PAPOLA: variants seen among roughly 807,000 people sequenced by gnomAD.
PAPOLA encodes the protein polynucleotide adenylyltransferase alpha.
A neutral mutation model predicts 100.6 loss-of-function variants in PAPOLA; 15 were observed. The ratio of observed to expected loss-of-function variants is 0.15; its 90% CI spans 0.10 to 0.23. PAPOLA has a LOEUF of 0.23. Among genes scored for constraint, PAPOLA ranks in the 10% least tolerant of loss-of-function variants. PAPOLA has a pLI of 1.00. For missense variants in PAPOLA, 533 were observed against 884.2 expected (o/e 0.60, Z 5.04); for synonymous variants, 293 against 300.0 (o/e 0.98, Z 0.24).
At chr14:96,520,548 T>G (rs1897868023) in intron 2 of PAPOLA, among the ~76,000 whole-genome samples, 1 of 152,024 alleles carries the variant, frequency 6.6e-6, no homozygotes, top group Non-Finnish European at 1.5e-5. Context: ...GCTAATTTTT[T>G]GTATTTTTAG....
chr14:96,537,314 T>C (rs886395442), intron 12 of PAPOLA: 1 of 442,290 alleles, frequency 2.3e-6, no homozygotes, highest in African/African-American at 2.0e-5. Flanking sequence ...TAGGCATACA[T>C]CAGTCATGAC....
Position 96,506,158 on chromosome 14 carries a change from C to A in PAPOLA, c.8+3558C>A, listed in dbSNP as rs371725007. 2.7e-3 allele frequency among the ~76,000 whole-genome samples: 409 copies of A among 152,288 alleles called. 13 individuals are homozygous for A. The South Asian group carries it at 0.078, about 29-fold the overall frequency. On this transcript the variant is annotated intron_variant, in intron 1 of 21. Coordinates refer to ENST00000216277, the MANE Select transcript of PAPOLA (RefSeq NM_032632.5). ...ACCTCGTGATCCCCCCCCACCTCGG[C>A]CTCCCAAAGTGCTGGGATTACAGGC...
At chr14:96,533,111 A>G (rs1899187503) in intron 9 of PAPOLA, 1 of 980,906 alleles carries the variant, frequency 1.0e-6, no homozygotes, top group African/African-American at 1.8e-5. Context: ...GCTTTTAAAG[A>G]ATAAATTAAC....
At chr14:96,503,340 A>C (rs898706602) in intron 1 of PAPOLA, among the ~76,000 whole-genome samples, 1 of 150,508 alleles carries the variant, frequency 6.6e-6, no homozygotes, top group African/African-American at 2.5e-5. Context: ...TTCTTTCTCT[A>C]TCTCTGGTGA....
intron 1 of PAPOLA, among the ~76,000 whole-genome samples, chr14:96,506,573 AG>A (rs771861296): frequency 2.0e-5 from 3 of 152,230 alleles, no homozygotes; most frequent in Non-Finnish European, 4.4e-5. Flanking sequence ...AGCAAAATAT[AG>A]AATTTTAGAA....
chr14:96,511,715 T>A (rs180913955), intron 1 of PAPOLA, among the ~76,000 whole-genome samples: 1 of 152,386 alleles, frequency 6.6e-6, no homozygotes, highest in Non-Finnish European at 1.5e-5. Context: ...CATTGTCTTT[T>A]ATGCATATTT....
In PAPOLA at chr14:96,566,714, C is replaced by G. The variant is rs1254325922; in HGVS notation, c.*1664C>G. ...AGTCACCTTGCCCTTCCTTCCACCA[C>G]CGAAGAAAAAAGATGGTCATACTAA... is the stretch of plus-strand genomic sequence containing the variant. On this transcript the variant is annotated 3_prime_UTR_variant, in exon 22 of 22. Transcript: ENST00000216277. 1 of 152,416 alleles carries G rather than the reference C, an allele frequency of 6.6e-6. No homozygotes were observed. The highest frequency in any genetic ancestry group is 1.5e-5 in the Non-Finnish European group (1 of 67,980). 9.4% of individuals were successfully genotyped at this position (152,416 alleles called of 1,614,324 possible). A position where few individuals can be genotyped will look rare whatever the true frequency, so the allele number is the denominator to read the frequency against.
At position 96,502,432 on chromosome 14, in the gene PAPOLA, G is replaced by A. The variant is rs749633276; in HGVS notation, c.-161G>A. On this transcript the variant is annotated 5_prime_UTR_variant, in exon 1 of 22. Coordinates refer to ENST00000216277, the MANE Select transcript of PAPOLA (RefSeq NM_032632.5). Reference sequence around the variant, plus strand: ...GCGCCATGTTAGGACGAAGGGGAAGGAGGAGAAGCGCTTAAAGCGGCGGGA... The same window carrying A: ...GCGCCATGTTAGGACGAAGGGGAAGAAGGAGAAGCGCTTAAAGCGGCGGGA... 38 of 704,554 alleles carry A rather than the reference G, an allele frequency of 5.4e-5. No homozygotes were observed. In the African/African-American group the frequency reaches 6.2e-4, roughly 12 times the overall value. 43.6% of individuals were successfully genotyped at this position (704,554 alleles called of 1,614,324 possible).
At chr14:96,523,277 C>T (rs557049029) in intron 3 of PAPOLA, among the ~76,000 whole-genome samples, 1 of 152,204 alleles carries the variant, frequency 6.6e-6, no homozygotes, top group South Asian at 2.1e-4. Context: ...TATAAACATA[C>T]TAATATCTAA....
chr14:96,511,754 A>G (rs1045035100), intron 1 of PAPOLA, among the ~76,000 whole-genome samples: 9 of 152,216 alleles, frequency 5.9e-5, no homozygotes, highest in African/African-American at 1.9e-4. Context: ...AACCTCATAA[A>G]TACTGTACTT....
chr14:96,520,437 G>C (rs1897855236), intron 2 of PAPOLA, among the ~76,000 whole-genome samples: 1 of 152,114 alleles, frequency 6.6e-6, no homozygotes. Context: ...GTGCAATGGT[G>C]TGATCTTGGC....
intron 3 of PAPOLA, 43 bp downstream of exon 3, chr14:96,521,115 C>T: frequency 1.1e-6 from 1 of 870,026 alleles, no homozygotes; most frequent in South Asian, 1.3e-5. Context: ...CATATATAGC[C>T]AACTGAACAC....
chr14:96,512,179 A>G (rs1897147944), intron 1 of PAPOLA, among the ~76,000 whole-genome samples: 1 of 152,150 alleles, frequency 6.6e-6, no homozygotes, highest in African/African-American at 2.4e-5. Context: ...ACAAGTTTAT[A>G]AAATATAAGG....
intron 21 of PAPOLA, among the ~76,000 whole-genome samples, chr14:96,563,521 C>T (rs924280718): frequency 8.5e-5 from 13 of 152,060 alleles, no homozygotes; most frequent in African/African-American, 3.1e-4. Flanking sequence ...AGCTCAAATT[C>T]TGACACAAAG....
intron 1 of PAPOLA, among the ~76,000 whole-genome samples, chr14:96,507,496 C>T (rs947690104): frequency 4.6e-5 from 7 of 151,836 alleles, no homozygotes; most frequent in African/African-American, 7.3e-5. Flanking sequence ...ACCGTGGTCT[C>T]GATCTCCTGA....
chr14:96,535,391 T>C (rs1229672413), intron 10 of PAPOLA: 1 of 980,216 alleles, frequency 1.0e-6, no homozygotes, highest in Non-Finnish European at 1.2e-6. Context: ...ATCATTTCAT[T>C]ATCTCCTAAC....
At chr14:96,523,036 T>G (rs1167069123) in intron 3 of PAPOLA, among the ~76,000 whole-genome samples, 4 of 152,226 alleles carry the variant, frequency 2.6e-5, no homozygotes, top group Admixed American at 2.6e-4. Flanking sequence ...TATGTATATT[T>G]CAAAATACAA....
At chr14:96,530,031 C>T (rs919098327) in intron 6 of PAPOLA, among the ~76,000 whole-genome samples, 1 of 152,148 alleles carries the variant, frequency 6.6e-6, no homozygotes, top group Non-Finnish European at 1.5e-5. Context: ...ATAATGGAAT[C>T]TCTTTATTGA....
At chr14:96,510,283 A>G (rs1747862834) in intron 1 of PAPOLA, among the ~76,000 whole-genome samples, 1 of 152,136 alleles carries the variant, frequency 6.6e-6, no homozygotes, top group Non-Finnish European at 1.5e-5. Context: ...ATGACTTACT[A>G]TAATCTTGAC....
Sources: allele counts gnomAD v4.1 joint callset (sites outside exome capture counted in the v4.1 genomes callset), GRCh38; gene constraint gnomAD v4.1.1; transcripts MANE v1.5; gene names NCBI Gene and HGNC (gene_info 2026-07-23, HGNC 2026-07-21).